Variants in SAXO1 observed in about 807,000 individuals in gnomAD.
SAXO1 encodes the protein 4930500O09Rik.
Under a neutral mutation model 17.5 loss-of-function variants are expected in SAXO1, and 21 were observed. The observed-to-expected ratio is 1.20, with a 90% CI of 0.85 to 1.72. The LOEUF is 1.72. SAXO1 is among the 40% of genes most tolerant of loss of function. The pLI is 0.00. For synonymous variants in SAXO1, 274 were observed against 216.5 expected, an observed-to-expected ratio of 1.27 and a Z score of -2.33; for missense variants, 843 against 596.0, an observed-to-expected ratio of 1.41 and a Z score of -4.32.
At chr9:18,966,301 G>A (rs11534167) in intron 1 of SAXO1, among the ~76,000 whole-genome samples, 81,550 of 152,026 alleles carry the variant, frequency 0.54, 25,402 homozygotes, top group Non-Finnish European at 0.7. Context: ...TCCAGGTTGG[G>A]GAAGTTCCCC....
intron 3 of SAXO1, among the ~76,000 whole-genome samples, chr9:18,934,034 G>A (rs550092041): frequency 2.6e-5 from 4 of 151,812 alleles, no homozygotes; most frequent in South Asian, 2.1e-4. Flanking sequence ...GTGACAGAGC[G>A]AGACTCCGTC....
chr9:19,036,266 A>AAAAG (rs1554684472), upstream of SAXO1, among the ~76,000 whole-genome samples: 2 of 151,098 alleles, frequency 1.3e-5, no homozygotes, highest in Admixed American at 1.3e-4. Flanking sequence ...AAAAAAAAAA[A>AAAAG]AAAGAAAGAA....
chr9:18,979,099 A>C (rs1281207242), intron 1 of SAXO1, among the ~76,000 whole-genome samples: 1 of 152,192 alleles, frequency 6.6e-6, no homozygotes, highest in African/African-American at 2.4e-5. Context: ...ACCTCATTGA[A>C]AGCCATGTTT....
chr9:19,009,122 C>G (rs1834613322), intron 1 of SAXO1, among the ~76,000 whole-genome samples: 1 of 152,090 alleles, frequency 6.6e-6, no homozygotes, highest in African/African-American at 2.4e-5. Flanking sequence ...ATCTGTCTTG[C>G]CTATAATTTT....
At chr9:18,972,059 C>A (rs1205142186) in intron 1 of SAXO1, among the ~76,000 whole-genome samples, 1 of 152,138 alleles carries the variant, frequency 6.6e-6, no homozygotes, top group African/African-American at 2.4e-5. Flanking sequence ...AAAGTCAGAA[C>A]TTGTTAAACC....
At chr9:18,944,097 G>A (rs750761303) in intron 2 of SAXO1, among the ~76,000 whole-genome samples, 22 of 148,684 alleles carry the variant, frequency 1.5e-4, no homozygotes, top group Non-Finnish European at 2.8e-4. Flanking sequence ...GTTTCCCAAA[G>A]ACAAAAGCCA....
At chr9:19,013,610 A>C (rs10963905) in intron 1 of SAXO1, among the ~76,000 whole-genome samples, 40,353 of 143,660 alleles carry the variant, frequency 0.28, 6,269 homozygotes, top group African/African-American at 0.45. Flanking sequence ...GCAGTGGTAC[A>C]ATCTCCGCTC....
intron 1 of SAXO1, among the ~76,000 whole-genome samples, chr9:19,011,720 G>A (rs1397909007): frequency 6.6e-6 from 1 of 152,114 alleles, no homozygotes; most frequent in Admixed American, 6.5e-5. Flanking sequence ...ACCAAATCCA[G>A]TTTTTAAATA....
chr9:18,930,500 C>CTTTTTTTTTTTTTT (rs55974011), intron 3 of SAXO1, among the ~76,000 whole-genome samples: 1 of 146,360 alleles, frequency 6.8e-6, no homozygotes, highest in African/African-American at 2.5e-5. Context: ...ACTGCTGGAA[C>CTTTTTTTTTTTTTT]TTTTTTTTTT....
intron 1 of SAXO1, among the ~76,000 whole-genome samples, chr9:19,039,618 T>C (rs539928029): frequency 2.0e-5 from 3 of 152,362 alleles, no homozygotes; most frequent in Non-Finnish European, 2.9e-5. Flanking sequence ...AGGAGTATGC[T>C]GAATATGCAA....
chr9:18,959,910 G>T (rs2131752312), intron 1 of SAXO1, among the ~76,000 whole-genome samples: 1 of 152,314 alleles, frequency 6.6e-6, no homozygotes, highest in Middle Eastern at 3.4e-3. Context: ...CTGGCCCAGT[G>T]CTGGGACTTT....
chr9:19,032,223 C>T, intron 1 of SAXO1, among the ~76,000 whole-genome samples: 1 of 152,234 alleles, frequency 6.6e-6, no homozygotes, highest in Admixed American at 6.5e-5. Flanking sequence ...ATAGAAGGAG[C>T]CTCTAAGAGA....
intron 1 of SAXO1, among the ~76,000 whole-genome samples, chr9:18,977,335 A>T (rs10963890): frequency 0.057 from 8,627 of 152,270 alleles, 275 homozygotes; most frequent in African/African-American, 0.09. Context: ...TTTTATTACC[A>T]TGTGTAGATC....
At chr9:19,039,375 T>TA (rs1015212753) in intron 1 of SAXO1, among the ~76,000 whole-genome samples, 1 of 152,184 alleles carries the variant, frequency 6.6e-6, no homozygotes, top group East Asian at 1.9e-4. Flanking sequence ...AGTTTGAGGT[T>TA]AAAAAAATGT....
intron 1 of SAXO1, among the ~76,000 whole-genome samples, chr9:18,961,922 C>T (rs1483294647): frequency 6.6e-6 from 1 of 152,156 alleles, no homozygotes; most frequent in African/African-American, 2.4e-5. Context: ...ACACTGTCTT[C>T]CACAATGGTT....
chr9:19,028,221 CA>C, intron 1 of SAXO1: 1 of 963,020 alleles, frequency 1.0e-6, no homozygotes, highest in South Asian at 1.6e-5. Context: ...AAAAAAAATA[CA>C]AAAATTAGCC....
At chr9:18,943,099 A>G (rs1333240363) in intron 2 of SAXO1, among the ~76,000 whole-genome samples, 5 of 152,198 alleles carry the variant, frequency 3.3e-5, no homozygotes, top group African/African-American at 1.2e-4. Context: ...GTCTTGCGTG[A>G]ATTATACACA....
intron 1 of SAXO1, among the ~76,000 whole-genome samples, chr9:19,046,056 T>G (rs1249956263): frequency 1.0e-5 from 1 of 99,366 alleles, no homozygotes; most frequent in Non-Finnish European, 1.9e-5. Flanking sequence ...CCGTTGCGCC[T>G]GGGCAACAAG....
chr9:19,032,944 C>A lies in SAXO1; in HGVS notation c.-36G>T. On this transcript the variant is annotated 5_prime_UTR_variant, in exon 1 of 4. The change abolishes an upstream ATG in the 5' untranslated region. Transcript: ENST00000380534. ...CTGAGGCCCTGACGTCCCCTCAGAG[C>A]ATCGCCAGCTGCAGCCGACTCCTAG... is the stretch of plus-strand genomic sequence containing the variant. The A allele has an allele frequency of 6.3e-7, 1 of 1,595,306 alleles. No homozygotes were observed. Among genetic ancestry groups the A allele is most frequent in the Non-Finnish European group, 8.5e-7 (1 of 1,173,770 alleles).
Sources: gnomAD v4.1 joint callset for allele counts (sites outside exome capture counted in the v4.1 genomes callset) on GRCh38, gnomAD v4.1.1 for gene constraint, MANE v1.5 for transcripts, NCBI Gene and HGNC (gene_info 2026-07-23, HGNC 2026-07-21) for gene names.